PARD3B: variants seen among roughly 807,000 people sequenced by gnomAD.
PARD3B encodes par-3 family cell polarity regulator beta.
Under a neutral mutation model 130.2 loss-of-function variants are expected in PARD3B, and 103 were observed. The observed-to-expected ratio is 0.79, with a 90% confidence interval of 0.67 to 0.93. The LOEUF (loss-of-function observed/expected upper bound fraction) is 0.93. Among genes scored for constraint, PARD3B ranks in the 40% least tolerant of loss-of-function variants. The probability of loss-of-function intolerance (pLI) is 0.00; values close to 1 mark genes in which losing one functional copy is unlikely to be tolerated. For missense variants in PARD3B, 1,609 were observed against 1,499.2 expected, an observed-to-expected ratio of 1.07 and a Z score of -1.21; for synonymous variants, 583 against 553.2, an observed-to-expected ratio of 1.05 and a Z score of -0.76.
At position 205,421,690 on chromosome 2, in the gene PARD3B, C is replaced by T. The variant is rs1424275618; in HGVS notation, c.2742-18680C>T. On this transcript the variant is annotated intron_variant, in intron 19 of 22. Coordinates refer to ENST00000406610, the MANE Select transcript of PARD3B (RefSeq NM_001302769.2). The surrounding 1 kb of genome is among the most constrained non-coding windows in gnomAD (Gnocchi z 5.1). Reference sequence around the variant, plus strand: ...TTACCACATACTTGGTATCATAAAACAACATAAATTTATTCTCTTAACGTT... The same window carrying T: ...TTACCACATACTTGGTATCATAAAATAACATAAATTTATTCTCTTAACGTT... 6.6e-6 allele frequency among the ~76,000 whole-genome samples: 1 copy of T among 152,262 alleles called. No homozygotes were observed. Among genetic ancestry groups the T allele is most frequent in the East Asian group, 1.9e-4 (1 of 5,180 alleles).
chr2:204,841,531 G>T (rs766510401), intron 2 of PARD3B, among the ~76,000 whole-genome samples: 1 of 152,116 alleles, frequency 6.6e-6, no homozygotes, highest in Non-Finnish European at 1.5e-5. Context: ...GTTACTGTCA[G>T]TGCCTGTTTT....
intron 4 of PARD3B, among the ~76,000 whole-genome samples, chr2:205,063,897 T>G (rs1700202618): frequency 6.6e-6 from 1 of 151,792 alleles, no homozygotes. Flanking sequence ...GATCTGTTTG[T>G]AGGCAAAGAT....
chr2:205,125,321 C>T lies in PARD3B; in HGVS notation c.1306-288C>T, dbSNP rs182503589. Among the ~76,000 whole-genome samples the T allele has an allele frequency of 1.9e-3, 289 of 152,294 alleles. 1 individual carries two copies. Among genetic ancestry groups the T allele is most frequent in the African/African-American group, 6.5e-3 (271 of 41,566 alleles). On this transcript the variant is annotated intron_variant, in intron 9 of 22. Coordinates refer to ENST00000406610, the MANE Select transcript of PARD3B (RefSeq NM_001302769.2). The surrounding 1 kb of genome is among the most constrained non-coding windows in gnomAD (Gnocchi z 4.0). ...TAAGCCTTTGCAATCTGCTTTCTACCTTAAGCGGAATCATTTTCTGGTATC... is the reference window on the plus strand; with the variant it reads ...TAAGCCTTTGCAATCTGCTTTCTACTTTAAGCGGAATCATTTTCTGGTATC...
Position 205,146,280 on chromosome 2 carries a change from C to T in PARD3B, c.1435-12442C>T, listed in dbSNP as rs2033351016. On this transcript the variant is annotated intron_variant, in intron 10 of 22. Coordinates refer to ENST00000406610, the MANE Select transcript of PARD3B (RefSeq NM_001302769.2). The surrounding 1 kb of genome is among the most constrained non-coding windows in gnomAD (Gnocchi z 4.3). ...GTGATAGCAAAGATATTGGAAGTAT[C>T]TTCCTAAGGGCCCAGCTTCCCAAAT... 6.6e-6 allele frequency among the ~76,000 whole-genome samples: 1 copy of T among 152,204 alleles called. No homozygotes were observed. The highest frequency in any genetic ancestry group is 2.4e-5 in the African/African-American group (1 of 41,452).
At chr2:205,410,580 A>C (rs2046562159) in intron 19 of PARD3B, among the ~76,000 whole-genome samples, 1 of 152,084 alleles carries the variant, frequency 6.6e-6, no homozygotes, top group East Asian at 1.9e-4. Context: ...TAGAAGAAAA[A>C]ATTTGCGTAA....
At chr2:204,830,521 A>G (rs1485574004) in intron 2 of PARD3B, among the ~76,000 whole-genome samples, 1 of 152,226 alleles carries the variant, frequency 6.6e-6, no homozygotes, top group Non-Finnish European at 1.5e-5. Flanking sequence ...AGTGAAGAAG[A>G]TTAATGTATG....
intron 2 of PARD3B, among the ~76,000 whole-genome samples, chr2:204,855,450 G>A (rs1325070094): frequency 6.6e-6 from 1 of 151,682 alleles, no homozygotes; most frequent in East Asian, 1.9e-4. Flanking sequence ...GCTGAGGCAG[G>A]AGAATCACTT....
chr2:205,227,870 G>A (rs963685224), intron 15 of PARD3B, among the ~76,000 whole-genome samples: 84 of 151,658 alleles, frequency 5.5e-4, no homozygotes, highest in African/African-American at 1.9e-3. Flanking sequence ...TTTGATTTGA[G>A]GTTACCATGA....
chr2:205,180,585 CT>C (rs201402812), intron 13 of PARD3B, among the ~76,000 whole-genome samples: 8,974 of 143,476 alleles, frequency 0.063, 481 homozygotes, highest in African/African-American at 0.15. Context: ...AAAACATTGG[CT>C]TTTTTTTTTT....
chr2:204,889,877 T>A (rs1480938619), intron 2 of PARD3B, among the ~76,000 whole-genome samples: 1 of 152,206 alleles, frequency 6.6e-6, no homozygotes, highest in Non-Finnish European at 1.5e-5. Flanking sequence ...AAAGTTTCTT[T>A]TCCGTGAAAT....
At chr2:205,245,050 C>G (rs926645231) in intron 15 of PARD3B, among the ~76,000 whole-genome samples, 1 of 152,200 alleles carries the variant, frequency 6.6e-6, no homozygotes, top group Non-Finnish European at 1.5e-5. Flanking sequence ...GCTCTTTCCT[C>G]TCTGGTTCTC....
At chr2:205,368,194 G>T (rs536940049) in intron 18 of PARD3B, among the ~76,000 whole-genome samples, 4 of 152,264 alleles carry the variant, frequency 2.6e-5, no homozygotes, top group African/African-American at 7.2e-5. Flanking sequence ...TCCAGTGGTG[G>T]ATCTTTAAGA....
intron 16 of PARD3B, among the ~76,000 whole-genome samples, chr2:205,278,964 G>A (rs190569979): frequency 1.3e-5 from 2 of 150,650 alleles, no homozygotes; most frequent in Admixed American, 6.6e-5. Context: ...CCAGCTACTC[G>A]GGAGGCTGAG....
At chr2:205,331,966 G>A (rs551425415) in intron 18 of PARD3B, among the ~76,000 whole-genome samples, 69 of 151,868 alleles carry the variant, frequency 4.5e-4, no homozygotes, top group Middle Eastern at 3.4e-3. Flanking sequence ...TTAGCCTGGT[G>A]TGGTGGTGTG....
chr2:204,743,277 T>C (rs977976637), intron 2 of PARD3B, among the ~76,000 whole-genome samples: 1 of 152,162 alleles, frequency 6.6e-6, no homozygotes, highest in Non-Finnish European at 1.5e-5. Flanking sequence ...TGGTTTGATT[T>C]TTGCATTATA....
At chr2:205,465,497 A>C (rs2048590084) in intron 20 of PARD3B, among the ~76,000 whole-genome samples, 1 of 152,182 alleles carries the variant, frequency 6.6e-6, no homozygotes, top group Non-Finnish European at 1.5e-5. Context: ...TCATTATCTG[A>C]ATTCTTTTTT....
At chr2:205,447,868 T>C (rs1207171453) in intron 20 of PARD3B, among the ~76,000 whole-genome samples, 1 of 152,174 alleles carries the variant, frequency 6.6e-6, no homozygotes, top group Admixed American at 6.5e-5. Flanking sequence ...TGCCCACTTT[T>C]TACCCACCCA....
chr2:205,075,794 T>TGA (rs1406160382), intron 4 of PARD3B, among the ~76,000 whole-genome samples: 1 of 152,024 alleles, frequency 6.6e-6, no homozygotes, highest in Non-Finnish European at 1.5e-5. Context: ...TTAAACTTTT[T>TGA]TCATAAACAC....
intron 2 of PARD3B, among the ~76,000 whole-genome samples, chr2:204,734,176 T>G (rs930353132): frequency 6.6e-6 from 1 of 152,090 alleles, no homozygotes; most frequent in African/African-American, 2.4e-5. Flanking sequence ...ACACAATGTT[T>G]CTAGTCATCA....
Sources: gnomAD v4.1 joint callset for allele counts (sites outside exome capture counted in the v4.1 genomes callset) on GRCh38, gnomAD v4.1.1 for gene constraint, Gnocchi (gnomAD v3.1) non-coding constraint, MANE v1.5 for transcripts, NCBI Gene and HGNC (gene_info 2026-07-23, HGNC 2026-07-21) for gene names.